The following CCR3 variants were observed in gnomAD, a reference collection of about 807,000 sequenced individuals.
The protein encoded by CCR3 is C-C chemokine receptor type 3.
For missense variants in CCR3, 419 were observed against 437.5 expected (o/e 0.96, Z 0.38); for synonymous variants, 203 against 179.2 (o/e 1.13, Z -1.06).
At chr3:46,229,853 GA>G (rs547588266) in intron 2 of CCR3, among the ~76,000 whole-genome samples, 2 of 150,820 alleles carry the variant, frequency 1.3e-5, no homozygotes, top group East Asian at 1.9e-4. Context: ...AATGTGCTGA[GA>G]AAAAAAAACA....
At chr3:46,238,255 A>T (rs1347009086), upstream of CCR3, among the ~76,000 whole-genome samples, 1 of 9,950 alleles carries the variant, frequency 1.0e-4, no homozygotes, top group Non-Finnish European at 1.5e-4. Flanking sequence ...TTGTCAATTT[A>T]AAAAAAAAAG....
intron 2 of CCR3, among the ~76,000 whole-genome samples, chr3:46,227,337 C>CT (rs1245414991): frequency 1.9e-5 from 1 of 53,606 alleles, no homozygotes; most frequent in Non-Finnish European, 3.0e-5. Flanking sequence ...GTAGTAATAT[C>CT]CCGTTTTATT....
At chr3:46,227,180 A>C (rs1699910506) in intron 2 of CCR3, among the ~76,000 whole-genome samples, 1 of 152,132 alleles carries the variant, frequency 6.6e-6, no homozygotes, top group East Asian at 1.9e-4. Context: ...CACCACGCCC[A>C]GCTGAAACAT....
intron 1 of CCR3, 158 bp from the exon 2 acceptor site, chr3:46,264,990 G>T: frequency 5.0e-6 from 3 of 600,204 alleles, no homozygotes; most frequent in Non-Finnish European, 5.9e-6. Flanking sequence ...TCCTTTTCCT[G>T]GCACCTCTGA....
At chr3:46,234,238 TA>T (rs1468699271) in intron 2 of CCR3, among the ~76,000 whole-genome samples, 1 of 152,234 alleles carries the variant, frequency 6.6e-6, no homozygotes, top group Non-Finnish European at 1.5e-5. Flanking sequence ...CAGGGGCCTT[TA>T]ATGCACTGTG....
chr3:46,214,845 G>A (rs1443041986), intron 2 of CCR3, among the ~76,000 whole-genome samples: 1 of 152,138 alleles, frequency 6.6e-6, no homozygotes, highest in Non-Finnish European at 1.5e-5. Context: ...ACACTGGGGG[G>A]CAGGATTTGA....
At chr3:46,246,916 G>A (rs934426488) in intron 1 of CCR3, among the ~76,000 whole-genome samples, 1 of 151,960 alleles carries the variant, frequency 6.6e-6, no homozygotes, top group Non-Finnish European at 1.5e-5. Flanking sequence ...TTGTGGTAAG[G>A]GGTGATATTG....
chr3:46,264,645 C>G (rs1700584297), intron 1 of CCR3: 4 of 532,382 alleles, frequency 7.5e-6, no homozygotes, highest in South Asian at 2.5e-5. Flanking sequence ...AATGGCTCAT[C>G]ATTATGGGGC....
intron 1 of CCR3, chr3:46,264,333 T>C: frequency 1.0e-6 from 1 of 990,656 alleles, no homozygotes; most frequent in Non-Finnish European, 1.5e-6. Context: ...ATTGTAATAG[T>C]TAATTACTGT....
At chr3:46,244,798 G>T (rs922292782) in intron 1 of CCR3, among the ~76,000 whole-genome samples, 2 of 152,192 alleles carry the variant, frequency 1.3e-5, no homozygotes, top group Non-Finnish European at 2.9e-5. Flanking sequence ...GTGATGGCTT[G>T]GCTTGGGCTC....
chr3:46,247,625 A>G (rs1043976044), intron 1 of CCR3, among the ~76,000 whole-genome samples: 3 of 152,226 alleles, frequency 2.0e-5, no homozygotes, highest in African/African-American at 7.2e-5. Context: ...CTGGTCTGTT[A>G]TCAGACTGTA....
intron 1 of CCR3, 65 bp downstream of exon 1, chr3:46,242,603 T>C (rs1326696422): frequency 6.6e-6 from 1 of 151,090 alleles, no homozygotes; most frequent in Non-Finnish European, 1.5e-5. Flanking sequence ...GTGGAAGTAG[T>C]AACTTCCAGC....
intron 1 of CCR3, chr3:46,264,811 T>G (rs931116863): frequency 5.3e-6 from 2 of 378,836 alleles, no homozygotes; most frequent in Non-Finnish European, 9.4e-6. Flanking sequence ...ATAATGATTA[T>G]TATATTGTTA....
chr3:46,227,239 C>T lies in CCR3; in HGVS notation c.-67-15163C>T, dbSNP rs183377936. On this transcript the variant is annotated intron_variant, in intron 2 of 3. Coordinates refer to the CCR3 transcript ENST00000357422. ...ATATTTTATCTATGTCAATATTCAACAAACTAGTTTTTCTGAATTGTTGAA... is the reference window on the plus strand; with the variant it reads ...ATATTTTATCTATGTCAATATTCAATAAACTAGTTTTTCTGAATTGTTGAA... Among the ~76,000 whole-genome samples the T allele has an allele frequency of 3.1e-3, 473 of 152,214 alleles. 4 individuals are homozygous for T. Among genetic ancestry groups the T allele is most frequent in the African/African-American group, 0.011 (439 of 41,534 alleles).
At chr3:46,226,679 GT>G (rs540456124) in intron 2 of CCR3, among the ~76,000 whole-genome samples, 14 of 152,072 alleles carry the variant, frequency 9.2e-5, no homozygotes, top group Non-Finnish European at 1.9e-4. Context: ...TAAACTTCCA[GT>G]TGAATAGGAG....
intron 1 of CCR3, among the ~76,000 whole-genome samples, chr3:46,261,823 G>T (rs1375379483): frequency 6.6e-6 from 1 of 152,248 alleles, no homozygotes; most frequent in Non-Finnish European, 1.5e-5. Flanking sequence ...TGCAGGAAAA[G>T]GTGCATAGCC....
intron 1 of CCR3, among the ~76,000 whole-genome samples, chr3:46,259,644 T>C (rs1170071522): frequency 6.6e-6 from 1 of 152,232 alleles, no homozygotes. Flanking sequence ...TCTCTCTTTT[T>C]ATAATATAAG....
rs189119289 is a variant in CCR3, at chr3:46,265,415, C to T, written c.257C>T (p.Thr86Ile). 6.2e-7 allele frequency: 1 copy of T among 1,614,202 alleles called. No homozygotes were observed. Among genetic ancestry groups the T allele is most frequent in the Admixed American group, 1.7e-5 (1 of 60,034 alleles). ...ATTTCGGACCTGCTCTTCCTCGTCACCCTTCCATTCTGGATCCACTATGTC... is the reference window on the plus strand; with the variant it reads ...ATTTCGGACCTGCTCTTCCTCGTCATCCTTCCATTCTGGATCCACTATGTC... The part of the protein sequence containing the change: ...LAISDLLFLV[T>I]LPFWIHYVRG... The change falls in exon 2 of 2, where the codon ACC (threonine) becomes ATC (isoleucine). Residue 86 changes from threonine to isoleucine, a missense_variant. By Grantham distance (89) the Thr-to-Ile change is moderately conservative (BLOSUM62 -1). Transcript: ENST00000395940.
intron 2 of CCR3, among the ~76,000 whole-genome samples, chr3:46,228,181 A>T (rs1467760657): frequency 1.6e-4 from 24 of 147,236 alleles, no homozygotes; most frequent in Admixed American, 1.1e-3. Flanking sequence ...TTTCTTCCTC[A>T]CAGTCCCACA....
Sources: allele counts gnomAD v4.1 joint callset (sites outside exome capture counted in the v4.1 genomes callset), GRCh38; gene constraint gnomAD v4.1.1; transcripts MANE v1.5; gene names NCBI Gene and HGNC (gene_info 2026-07-23, HGNC 2026-07-21).